LHFPL3: variants seen among roughly 807,000 people sequenced by gnomAD.
LHFPL3 encodes LHFPL tetraspan subfamily member 3, also known as LHFPL tetraspan subfamily member 3 protein.
In LHFPL3, 5 loss-of-function variants were observed where a neutral mutation model predicts 19.3. The ratio of observed to expected loss-of-function variants is 0.26; its 90% CI spans 0.14 to 0.54. LHFPL3 has a LOEUF of 0.54. Among genes scored for constraint, LHFPL3 ranks in the 20% least tolerant of loss-of-function variants. LHFPL3 has a pLI of 0.94. For synonymous variants in LHFPL3, 133 were observed against 126.2 expected (o/e 1.05, Z -0.36); for missense variants, 249 against 307.4 (o/e 0.81, Z 1.42).
At chr7:104,628,910 C>T (rs1039544469) in intron 1 of LHFPL3, among the ~76,000 whole-genome samples, 2 of 152,154 alleles carry the variant, frequency 1.3e-5, no homozygotes, top group Admixed American at 6.6e-5. Context: ...ATGAAACAGG[C>T]TTCTCAAACC....
At chr7:104,489,594 C>G (rs983529702) in intron 1 of LHFPL3, among the ~76,000 whole-genome samples, 1 of 151,406 alleles carries the variant, frequency 6.6e-6, no homozygotes, top group Admixed American at 6.6e-5. Context: ...ACACAAGGTC[C>G]AAAGAACTGA....
intron 1 of LHFPL3, among the ~76,000 whole-genome samples, chr7:104,370,623 C>G (rs1392264355): frequency 1.3e-5 from 2 of 152,216 alleles, no homozygotes; most frequent in African/African-American, 2.4e-5. Flanking sequence ...TGGCTCACGC[C>G]TGTAATCCCA....
chr7:104,373,764 G>A (rs1327502290), intron 1 of LHFPL3, among the ~76,000 whole-genome samples: 1 of 152,148 alleles, frequency 6.6e-6, no homozygotes, highest in East Asian at 1.9e-4. Flanking sequence ...TTCCTATTCA[G>A]ATCTTTAAAA....
chr7:104,786,150 C>A (rs1789906684), intron 2 of LHFPL3, among the ~76,000 whole-genome samples: 1 of 152,144 alleles, frequency 6.6e-6, no homozygotes, highest in South Asian at 2.1e-4. Flanking sequence ...TGATGCAAAC[C>A]ATTTCATCTT....
intron 2 of LHFPL3, among the ~76,000 whole-genome samples, chr7:104,857,459 G>A (rs1184901304): frequency 6.6e-6 from 1 of 152,146 alleles, no homozygotes; most frequent in Non-Finnish European, 1.5e-5. Context: ...GGGGATACAA[G>A]ATGAATAAAT....
chr7:104,523,422 T>G (rs1359352465), intron 1 of LHFPL3, among the ~76,000 whole-genome samples: 13 of 152,156 alleles, frequency 8.5e-5, no homozygotes, highest in Admixed American at 8.5e-4. Context: ...TAAAAGTTAG[T>G]TTTCCCTTTA....
intron 2 of LHFPL3, among the ~76,000 whole-genome samples, chr7:104,841,641 GA>G (rs1791211870): frequency 6.6e-6 from 1 of 151,950 alleles, no homozygotes; most frequent in Admixed American, 6.6e-5. Context: ...CTCCGTCTGT[GA>G]ATCTCACTAC....
chr7:104,455,143 A>G (rs1792515260), intron 1 of LHFPL3, among the ~76,000 whole-genome samples: 2 of 152,202 alleles, frequency 1.3e-5, no homozygotes, highest in African/African-American at 2.4e-5. Flanking sequence ...CAGTATCAAC[A>G]TTGATGTATA....
At chr7:104,620,659 A>G (rs1201271747) in intron 1 of LHFPL3, among the ~76,000 whole-genome samples, 1 of 145,494 alleles carries the variant, frequency 6.9e-6, no homozygotes, top group East Asian at 2.4e-4. Flanking sequence ...TTAATGTAGC[A>G]CTTTTCCCCC....
chr7:104,557,669 T>C (rs1184317032), intron 1 of LHFPL3, among the ~76,000 whole-genome samples: 1 of 152,108 alleles, frequency 6.6e-6, no homozygotes, highest in East Asian at 1.9e-4. Context: ...TTTTTATTTT[T>C]ATTTTTATTT....
chr7:104,637,448 C>A (rs181132975), intron 1 of LHFPL3, among the ~76,000 whole-genome samples: 4 of 152,284 alleles, frequency 2.6e-5, no homozygotes, highest in South Asian at 2.1e-4. Context: ...ATCATGAAAT[C>A]TTTGCCAGTT....
At chr7:104,744,017 C>G (rs1331424365) in intron 2 of LHFPL3, 1 of 137,004 alleles carries the variant, frequency 7.3e-6, no homozygotes, top group Non-Finnish European at 1.6e-5. Context: ...TTTTTTGGTA[C>G]TTTTTTTTTT....
At chr7:104,735,027 A>C (rs899179264) in intron 1 of LHFPL3, among the ~76,000 whole-genome samples, 1 of 152,228 alleles carries the variant, frequency 6.6e-6, no homozygotes, top group African/African-American at 2.4e-5. Flanking sequence ...AGGCTGCAGA[A>C]CAGCGGATAT....
chr7:104,376,722 T>C (rs964931596), intron 1 of LHFPL3, among the ~76,000 whole-genome samples: 4 of 152,198 alleles, frequency 2.6e-5, no homozygotes, highest in African/African-American at 9.6e-5. Context: ...GGCCAGGCTC[T>C]ATTACTCTGG....
chr7:104,744,668 G>T (rs532876562), intron 2 of LHFPL3, among the ~76,000 whole-genome samples: 3 of 152,104 alleles, frequency 2.0e-5, no homozygotes, highest in Non-Finnish European at 4.4e-5. Context: ...TCTTACCAAG[G>T]TCACTCCAAC....
intron 1 of LHFPL3, among the ~76,000 whole-genome samples, chr7:104,661,578 A>T (rs1792224550): frequency 6.6e-6 from 1 of 152,214 alleles, no homozygotes; most frequent in South Asian, 2.1e-4. Flanking sequence ...GAACAAGGAC[A>T]AGTAATTGGT....
At chr7:104,686,988 C>T (rs776593099) in intron 1 of LHFPL3, among the ~76,000 whole-genome samples, 1 of 152,128 alleles carries the variant, frequency 6.6e-6, no homozygotes, top group Non-Finnish European at 1.5e-5. Context: ...GGCAACTGCC[C>T]CCATAATCTA....
At chr7:104,618,607 A>G (rs1791389629) in intron 1 of LHFPL3, among the ~76,000 whole-genome samples, 1 of 152,118 alleles carries the variant, frequency 6.6e-6, no homozygotes, top group Admixed American at 6.6e-5. Flanking sequence ...GCATTTCTTA[A>G]TGAAAATCTT....
chr7:104,893,611 G>A (rs1792295739), intron 2 of LHFPL3, among the ~76,000 whole-genome samples: 1 of 152,086 alleles, frequency 6.6e-6, no homozygotes, highest in African/African-American at 2.4e-5. Context: ...GTACAACTTT[G>A]TTGTATTATC....
Sources: allele counts gnomAD v4.1 joint callset (sites outside exome capture counted in the v4.1 genomes callset), GRCh38; gene constraint gnomAD v4.1.1; transcripts MANE v1.5; gene names NCBI Gene and HGNC (gene_info 2026-07-23, HGNC 2026-07-21).